NNT: variants seen among roughly 807,000 people sequenced by gnomAD.
NNT encodes nicotinamide nucleotide transhydrogenase, also known as NAD(P) transhydrogenase, mitochondrial.
In NNT, 50 loss-of-function variants were observed where a neutral mutation model predicts 104.8. The observed-to-expected ratio is 0.48, with a 90% CI of 0.38 to 0.60. NNT has a LOEUF of 0.60. Among genes scored for constraint, NNT ranks in the 20% least tolerant of loss-of-function variants. NNT has a pLI of 0.00. For synonymous variants in NNT, 461 were observed against 490.4 expected (o/e 0.94, Z 0.79); for missense variants, 1,131 against 1,330.7 (o/e 0.85, Z 2.33).
chr5:43,653,184 C>G lies in NNT; in HGVS notation c.2030C>G (p.Ser677Cys), dbSNP rs775770605. 7 of 1,614,094 alleles carry G rather than the reference C, an allele frequency of 4.3e-6. No individual in the cohort carries two copies. The South Asian group carries it at 7.7e-5, about 18-fold the overall frequency. The part of the protein sequence containing the change: ...KPGPELLAQM[S>C]GAMALGGTIG... ...GGCCCAGAATTACTAGCTCAGATGT[C>G]TGGAGCGATGGCTTTGGGTGGTACC... Residue 677 changes from serine to cysteine, a missense_variant, in exon 14 of 22, where the codon TCT becomes TGT. Ser to Cys is a moderately radical substitution (Grantham distance 112, BLOSUM62 -1). Transcript: ENST00000344920.
chr5:43,649,001 G>A (rs1156916593), intron 10 of NNT, 146 bp from the exon 11 acceptor site: 2 of 927,500 alleles, frequency 2.2e-6, no homozygotes, highest in Non-Finnish European at 3.4e-6. Context: ...CTTCTCAACT[G>A]TCAAATGTCT....
At chr5:43,628,466 T>C in intron 7 of NNT, 79 bp downstream of exon 7, 2 of 1,111,862 alleles carry the variant, frequency 1.8e-6, no homozygotes, top group Non-Finnish European at 2.5e-6. Context: ...GAATGATTGC[T>C]TAACATTTGA....
intron 1 of NNT, among the ~76,000 whole-genome samples, chr5:43,603,990 C>T (rs1350195298): frequency 2.6e-5 from 4 of 151,968 alleles, no homozygotes; most frequent in African/African-American, 9.7e-5. Flanking sequence ...AATCGGCTTC[C>T]TAGGGAGGTT....
At chr5:43,680,644 C>G (rs964469286) in intron 19 of NNT, among the ~76,000 whole-genome samples, 1 of 152,184 alleles carries the variant, frequency 6.6e-6, no homozygotes, top group Admixed American at 6.5e-5. Flanking sequence ...TAGAGACACT[C>G]CTGTTTTCCT....
intron 16 of NNT, among the ~76,000 whole-genome samples, chr5:43,658,161 A>G (rs74655963): frequency 0.021 from 3,133 of 152,238 alleles, 56 homozygotes; most frequent in Non-Finnish European, 0.029. Flanking sequence ...AAAAAGATAT[A>G]CAAATCTAAA....
chr5:43,686,200 T>A (rs1340721344), intron 19 of NNT, among the ~76,000 whole-genome samples: 1 of 152,018 alleles, frequency 6.6e-6, no homozygotes, highest in Non-Finnish European at 1.5e-5. Context: ...GCTCTATTGT[T>A]TTCATATTTG....
At chr5:43,656,535 C>A in intron 15 of NNT, 118 bp from the exon 16 acceptor site, 2 of 957,828 alleles carry the variant, frequency 2.1e-6, no homozygotes, top group Non-Finnish European at 3.1e-6. Context: ...TATATGTGAA[C>A]TAAACAGCAT....
At chr5:43,704,185 T>C (rs1024339861) in intron 21 of NNT, 70 bp from the exon 22 acceptor site, 13 of 1,391,186 alleles carry the variant, frequency 9.3e-6, no homozygotes, top group African/African-American at 6.0e-5. Flanking sequence ...TGAAGAGCAA[T>C]GTTTGTTTGC....
chr5:43,645,005 C>G (rs1362124993), intron 9 of NNT, among the ~76,000 whole-genome samples: 1 of 151,920 alleles, frequency 6.6e-6, no homozygotes, highest in East Asian at 1.9e-4. Flanking sequence ...ATGACTTAAC[C>G]AAAAATATAC....
intron 10 of NNT, 173 bp downstream of exon 10, chr5:43,645,683 C>CTCTCTCTCTCTCTCTA (rs1386181675): frequency 2.2e-5 from 1 of 45,744 alleles, no homozygotes; most frequent in Non-Finnish European, 3.7e-5. Flanking sequence ...CTCTCTCTCT[C>CTCTCTCTCTCTCTCTA]TATATATATA....
At chr5:43,667,398 C>T (rs1238055433) in intron 17 of NNT, among the ~76,000 whole-genome samples, 2 of 152,152 alleles carry the variant, frequency 1.3e-5, no homozygotes, top group African/African-American at 4.8e-5. Context: ...GGTATATCTC[C>T]TAATGCTATC....
At chr5:43,664,928 A>G (rs985390055) in intron 17 of NNT, among the ~76,000 whole-genome samples, 3 of 152,160 alleles carry the variant, frequency 2.0e-5, no homozygotes, top group African/African-American at 7.2e-5. Context: ...ATGATGGTTA[A>G]ACTACTGTGT....
chr5:43,611,447 A>G (rs1749495547), intron 2 of NNT, among the ~76,000 whole-genome samples: 1 of 152,198 alleles, frequency 6.6e-6, no homozygotes, highest in Non-Finnish European at 1.5e-5. Flanking sequence ...TGCCATGTAG[A>G]GCCTGACAAT....
At chr5:43,676,047 T>C (rs1325295189) in intron 18 of NNT, among the ~76,000 whole-genome samples, 2 of 152,216 alleles carry the variant, frequency 1.3e-5, no homozygotes, top group Non-Finnish European at 2.9e-5. Flanking sequence ...TTAATAAATG[T>C]TGTTTTTTCA....
chr5:43,610,282 G>C (rs1359748988), intron 2 of NNT, among the ~76,000 whole-genome samples: 1 of 151,506 alleles, frequency 6.6e-6, no homozygotes, highest in East Asian at 1.9e-4. Flanking sequence ...AGAATGGAAG[G>C]GGACCCGAGC....
At chr5:43,670,763 T>G (rs1337477738) in intron 17 of NNT, among the ~76,000 whole-genome samples, 1 of 152,192 alleles carries the variant, frequency 6.6e-6, no homozygotes, top group Non-Finnish European at 1.5e-5. Flanking sequence ...ATTCTGTTGA[T>G]TTGGGGTGGA....
intron 7 of NNT, among the ~76,000 whole-genome samples, chr5:43,632,701 C>A (rs989096285): frequency 6.6e-6 from 1 of 152,180 alleles, no homozygotes; most frequent in Non-Finnish European, 1.5e-5. Flanking sequence ...ACTTTCCTGT[C>A]CAGCTCGTTG....
At chr5:43,606,848 G>T (rs150167885) in intron 1 of NNT, among the ~76,000 whole-genome samples, 61 of 152,274 alleles carry the variant, frequency 4.0e-4, no homozygotes, top group African/African-American at 1.4e-3. Context: ...TCTGCCCTTG[G>T]TATATATTTG....
At position 43,628,260 on chromosome 5, in the gene NNT, G is replaced by A. The variant is rs147111520; in HGVS notation, c.837G>A (p.Lys279=). The A allele has an allele frequency of 5.0e-6, 8 of 1,613,862 alleles. No homozygotes were observed. In the African/African-American group the frequency reaches 9.3e-5, roughly 19 times the overall value. The change falls in exon 7 of 22, where the codon AAG becomes AAA. Residue 279 remains lysine (K), a synonymous_variant. Coordinates refer to ENST00000344920, the MANE Select transcript of NNT (RefSeq NM_182977.3). ...CTGAGCCCTTGGAGGTGGACTTGAA[G>A]GAATCTGGTGAGGGACAAGGAGGAT... ...LGAEPLEVDL[K]ESGEGQGGYA...
Sources: gnomAD v4.1 joint callset for allele counts (sites outside exome capture counted in the v4.1 genomes callset) on GRCh38, gnomAD v4.1.1 for gene constraint, MANE v1.5 for transcripts, NCBI Gene and HGNC (gene_info 2026-07-23, HGNC 2026-07-21) for gene names.